Variants in ZMAT4 observed in about 807,000 individuals in gnomAD.
The protein encoded by ZMAT4 is zinc finger matrin-type protein 4.
In ZMAT4, 17 loss-of-function variants were observed where a neutral mutation model predicts 28.7. The observed-to-expected ratio is 0.59, with a 90% CI of 0.41 to 0.89. ZMAT4 has a LOEUF of 0.89. Among genes scored for constraint, ZMAT4 ranks in the 40% least tolerant of loss-of-function variants. The probability of loss-of-function intolerance (pLI) is 0.00; values close to 1 mark genes in which losing one functional copy is unlikely to be tolerated. For missense variants in ZMAT4, 240 were observed against 283.8 expected, an observed-to-expected ratio of 0.85 and a Z score of 1.11; for synonymous variants, 117 against 109.2, an observed-to-expected ratio of 1.07 and a Z score of -0.44.
intron 5 of ZMAT4, among the ~76,000 whole-genome samples, chr8:40,632,931 G>A (rs1340221986): frequency 6.6e-6 from 1 of 152,136 alleles, no homozygotes; most frequent in Non-Finnish European, 1.5e-5. Context: ...TCAGTTAAAG[G>A]AGAGGAAGAT....
At chr8:40,588,101 C>T (rs1804729302) in intron 5 of ZMAT4, among the ~76,000 whole-genome samples, 1 of 151,850 alleles carries the variant, frequency 6.6e-6, no homozygotes, top group Non-Finnish European at 1.5e-5. Flanking sequence ...AGAGTGCCTT[C>T]CAATGCACAT....
intron 6 of ZMAT4, among the ~76,000 whole-genome samples, chr8:40,546,341 T>C (rs2118401868): frequency 6.6e-6 from 1 of 152,114 alleles, no homozygotes; most frequent in South Asian, 2.1e-4. Context: ...AATGCATCCC[T>C]TACATAACTC....
chr8:40,668,328 G>T (rs2118880294), intron 5 of ZMAT4, among the ~76,000 whole-genome samples: 1 of 151,954 alleles, frequency 6.6e-6, no homozygotes, highest in Non-Finnish European at 1.5e-5. Flanking sequence ...AAATTAACCA[G>T]GCTTGGTGGC....
At chr8:40,775,051 A>G (rs754349119) in intron 2 of ZMAT4, among the ~76,000 whole-genome samples, 1 of 152,212 alleles carries the variant, frequency 6.6e-6, no homozygotes, top group African/African-American at 2.4e-5. Context: ...TTCAGTGAAC[A>G]GAGATTATAT....
chr8:40,672,250 A>T (rs1376085739), intron 5 of ZMAT4, among the ~76,000 whole-genome samples: 2 of 152,130 alleles, frequency 1.3e-5, no homozygotes, highest in South Asian at 4.1e-4. Flanking sequence ...ATATTTATGG[A>T]TTAGCATTTT....
At chr8:40,561,737 C>G (rs1458250063) in intron 6 of ZMAT4, among the ~76,000 whole-genome samples, 1 of 152,158 alleles carries the variant, frequency 6.6e-6, no homozygotes, top group African/African-American at 2.4e-5. Flanking sequence ...TGGCCCAATA[C>G]AAATTCGTAA....
Position 40,630,707 on chromosome 8 carries a change from C to T in ZMAT4, c.577+43997G>A, listed in dbSNP as rs77834874. Reference sequence around the variant, plus strand: ...GTCACAGTTAATGCATACATGTGCACGAATTTATGCATACATGACATATGA... The same window carrying T: ...GTCACAGTTAATGCATACATGTGCATGAATTTATGCATACATGACATATGA... On this transcript the variant is annotated intron_variant, in intron 5 of 6. Coordinates refer to ENST00000297737, the MANE Select transcript of ZMAT4 (RefSeq NM_024645.3). 2.7e-3 allele frequency among the ~76,000 whole-genome samples: 410 copies of T among 152,222 alleles called. 3 individuals are homozygous for T. The highest frequency in any genetic ancestry group is 9.1e-3 in the African/African-American group (378 of 41,534).
At chr8:40,775,301 T>G (rs767961750) in intron 2 of ZMAT4, among the ~76,000 whole-genome samples, 3 of 152,152 alleles carry the variant, frequency 2.0e-5, no homozygotes, top group Admixed American at 6.5e-5. Flanking sequence ...GACTCACACA[T>G]CTACTTCCAT....
intron 1 of ZMAT4, among the ~76,000 whole-genome samples, chr8:40,826,070 G>A (rs978581813): frequency 6.6e-6 from 1 of 152,154 alleles, no homozygotes; most frequent in African/African-American, 2.4e-5. Context: ...ACCAGCATGG[G>A]CAACATAGAG....
chr8:40,689,301 G>A (rs1305626937), intron 4 of ZMAT4, among the ~76,000 whole-genome samples: 1 of 152,252 alleles, frequency 6.6e-6, no homozygotes, highest in Non-Finnish European at 1.5e-5. Context: ...AGCCCTGTGA[G>A]TGGCACTAAA....
intron 3 of ZMAT4, among the ~76,000 whole-genome samples, chr8:40,723,334 G>C (rs1811183592): frequency 6.6e-6 from 1 of 152,104 alleles, no homozygotes; most frequent in African/African-American, 2.4e-5. Flanking sequence ...CCTGAGGTCA[G>C]GAGTTTGACA....
chr8:40,888,939 A>T (rs1818568294), intron 1 of ZMAT4, among the ~76,000 whole-genome samples: 1 of 152,110 alleles, frequency 6.6e-6, no homozygotes, highest in Non-Finnish European at 1.5e-5. Context: ...GAAATCTACC[A>T]CTCACTTCTA....
chr8:40,758,858 A>G (rs533243308), intron 3 of ZMAT4, among the ~76,000 whole-genome samples: 1 of 152,330 alleles, frequency 6.6e-6, no homozygotes, highest in South Asian at 2.1e-4. Flanking sequence ...AACGGAAAGG[A>G]CACTAGACAT....
intron 1 of ZMAT4, among the ~76,000 whole-genome samples, chr8:40,872,071 G>A (rs951058009): frequency 1.3e-5 from 2 of 152,168 alleles, no homozygotes; most frequent in African/African-American, 4.8e-5. Context: ...CAGCCACAGG[G>A]GAGGGAGTTT....
chr8:40,646,041 C>T (rs1371543626), intron 5 of ZMAT4, among the ~76,000 whole-genome samples: 2 of 151,936 alleles, frequency 1.3e-5, no homozygotes, highest in African/African-American at 2.4e-5. Flanking sequence ...TTATAAACTA[C>T]TAATATATAG....
intron 3 of ZMAT4, among the ~76,000 whole-genome samples, chr8:40,738,243 A>G (rs1010406009): frequency 6.6e-6 from 1 of 152,144 alleles, no homozygotes; most frequent in Non-Finnish European, 1.5e-5. Flanking sequence ...GACAAAGAGA[A>G]TTCATGCATT....
At chr8:40,734,499 C>T (rs1811676905) in intron 3 of ZMAT4, among the ~76,000 whole-genome samples, 2 of 152,078 alleles carry the variant, frequency 1.3e-5, no homozygotes, top group Admixed American at 6.5e-5. Flanking sequence ...CTGCCCTGTG[C>T]CCTAGGTGAA....
intron 1 of ZMAT4, among the ~76,000 whole-genome samples, chr8:40,897,473 G>A (rs1253248098): frequency 1.3e-5 from 2 of 152,160 alleles, no homozygotes; most frequent in Non-Finnish European, 2.9e-5. Context: ...CAGCTAATTA[G>A]GAGTAGTAAA....
At chr8:40,676,240 C>T (rs550937600) in intron 4 of ZMAT4, among the ~76,000 whole-genome samples, 1 of 152,260 alleles carries the variant, frequency 6.6e-6, no homozygotes, top group South Asian at 2.1e-4. Flanking sequence ...AATACTTTCC[C>T]AAGGATCCTT....
Sources: gnomAD v4.1 joint callset for allele counts (sites outside exome capture counted in the v4.1 genomes callset) on GRCh38, gnomAD v4.1.1 for gene constraint, MANE v1.5 for transcripts, NCBI Gene and HGNC (gene_info 2026-07-23, HGNC 2026-07-21) for gene names.